DAB1: variants seen among roughly 807,000 people sequenced by gnomAD.
The protein encoded by DAB1 is DAB adaptor protein 1.
DAB1 carries 15 observed loss-of-function variants against 64.6 expected under a neutral mutation model. That is an observed-to-expected ratio of 0.23 (90% confidence interval 0.16 to 0.36). The LOEUF is 0.36. Among genes scored for constraint, DAB1 ranks in the 10% least tolerant of loss-of-function variants. The pLI is 1.00. For missense variants in DAB1, 596 were observed against 706.7 expected (o/e 0.84, Z 1.78); for synonymous variants, 235 against 251.9 (o/e 0.93, Z 0.64).
chr1:57,822,393 A>T (rs1012507198), downstream of DAB1, among the ~76,000 whole-genome samples: 1 of 152,068 alleles, frequency 6.6e-6, no homozygotes, highest in Non-Finnish European at 1.5e-5. Context: ...CCATGGCCAC[A>T]CTGGTTAGGG....
At chr1:58,185,791 T>C (rs1657040530) in intron 4 of DAB1, among the ~76,000 whole-genome samples, 1 of 152,128 alleles carries the variant, frequency 6.6e-6, no homozygotes. Flanking sequence ...AGCTCTTAAA[T>C]CTAAAAACGT....
intron 4 of DAB1, among the ~76,000 whole-genome samples, chr1:58,227,963 C>T (rs1659577614): frequency 6.6e-6 from 1 of 152,186 alleles, no homozygotes; most frequent in Non-Finnish European, 1.5e-5. Flanking sequence ...AGATCACATA[C>T]CTGATGTAGA....
At chr1:57,816,620 G>T (rs1054102988) in intron 6 of DAB1, among the ~76,000 whole-genome samples, 17 of 152,186 alleles carry the variant, frequency 1.1e-4, no homozygotes, top group African/African-American at 3.6e-4. Context: ...TCATCAGCCA[G>T]TGTGGATTAG....
intron 9 of DAB1, among the ~76,000 whole-genome samples, chr1:57,048,491 T>C (rs1029871742): frequency 1.3e-5 from 2 of 152,210 alleles, no homozygotes; most frequent in East Asian, 1.9e-4. Context: ...TCTCTGTTCA[T>C]GAATTACAGA....
At chr1:57,593,637 G>A (rs947238) in intron 7 of DAB1, among the ~76,000 whole-genome samples, 145,669 of 152,308 alleles carry the variant, frequency 0.96, 69,977 homozygotes, top group East Asian at 1. Flanking sequence ...TATAAAAGAC[G>A]CACAGAAAAA....
intron 7 of DAB1, among the ~76,000 whole-genome samples, chr1:57,503,274 C>T (rs1394783206): frequency 6.6e-6 from 1 of 152,202 alleles, no homozygotes; most frequent in Non-Finnish European, 1.5e-5. Flanking sequence ...CTTTCATTGC[C>T]CTGGGGCTCA....
At chr1:57,074,604 T>A (rs1318273664) in intron 4 of DAB1, among the ~76,000 whole-genome samples, 2 of 152,176 alleles carry the variant, frequency 1.3e-5, no homozygotes, top group Admixed American at 6.6e-5. Flanking sequence ...TTTTCTGACT[T>A]ACCTTAAACT....
intron 7 of DAB1, among the ~76,000 whole-genome samples, chr1:57,574,403 G>C (rs1484191382): frequency 6.6e-6 from 1 of 152,138 alleles, no homozygotes; most frequent in East Asian, 1.9e-4. Context: ...AGCATTTATT[G>C]AATTTCCACT....
chr1:58,407,075 G>A (rs979663454), intron 3 of DAB1, among the ~76,000 whole-genome samples: 2 of 152,180 alleles, frequency 1.3e-5, no homozygotes, highest in Non-Finnish European at 2.9e-5. Flanking sequence ...ATTCATGCCT[G>A]TATGACAAAA....
intron 7 of DAB1, among the ~76,000 whole-genome samples, chr1:57,433,392 C>T (rs1388979691): frequency 6.6e-6 from 1 of 151,982 alleles, no homozygotes; most frequent in East Asian, 1.9e-4. Context: ...TAGATCAATG[C>T]AGTCACTTGA....
At chr1:57,165,074 A>C (rs1198710590) in intron 2 of DAB1, among the ~76,000 whole-genome samples, 2 of 152,170 alleles carry the variant, frequency 1.3e-5, no homozygotes, top group Admixed American at 1.3e-4. Context: ...AGCCATAAAA[A>C]GAGAAAGTTT....
intron 6 of DAB1, among the ~76,000 whole-genome samples, chr1:57,796,266 G>A (rs868254118): frequency 3.3e-5 from 5 of 152,024 alleles, no homozygotes; most frequent in African/African-American, 1.2e-4. Context: ...GGTGGCTCAC[G>A]CCTGTAATAC....
rs187530549 is a variant in DAB1, at chr1:58,524,053, T to C, written n.107+3208A>G. Among the ~76,000 whole-genome samples, 1,212 of 152,360 alleles carry C rather than the reference T, an allele frequency of 8.0e-3. 9 individuals are homozygous for C. Among genetic ancestry groups the C allele is most frequent in the Non-Finnish European group, 0.013 (884 of 68,034 alleles). ...AAAGACTGGCAGCTGGTATTATCTT[T>C]TTCCTTAGAGGCTCAGGGGTTACCA... On this transcript the variant is annotated intron_variant and non_coding_transcript_variant, in intron 2 of 20. Transcript: ENST00000485760.
At chr1:58,020,113 T>C (rs1646795236) in intron 5 of DAB1, among the ~76,000 whole-genome samples, 1 of 152,224 alleles carries the variant, frequency 6.6e-6, no homozygotes, top group Admixed American at 6.5e-5. Flanking sequence ...AGAATTATTA[T>C]TCTGCATTAA....
At chr1:57,639,634 C>T (rs575600857) in intron 7 of DAB1, among the ~76,000 whole-genome samples, 8 of 152,284 alleles carry the variant, frequency 5.3e-5, no homozygotes, top group African/African-American at 1.9e-4. Flanking sequence ...GCAAAGGCAG[C>T]AGGTATGCCC....
At chr1:58,533,867 C>A in intron 1 of DAB1, 1 of 772,392 alleles carries the variant, frequency 1.3e-6, no homozygotes, top group South Asian at 1.5e-5. Context: ...TTTAAAAAAC[C>A]TGAAAAAAAT....
At chr1:57,097,597 G>A (rs1654281942) in intron 4 of DAB1, among the ~76,000 whole-genome samples, 2 of 152,178 alleles carry the variant, frequency 1.3e-5, no homozygotes, top group Non-Finnish European at 1.5e-5. Context: ...GGAGATCACA[G>A]AACTCCTAAA....
rs529194772 is a variant in DAB1 at position 58,381,870 on chromosome 1, A to C, written n.258-38467T>G. ...ATTTAGGAGTCACCAGCATATCAAT[A>C]GTAAAAAATAATGAATGACACCATC... On this transcript the variant is annotated intron_variant and non_coding_transcript_variant, in intron 3 of 20. Coordinates refer to the DAB1 transcript ENST00000485760. Among the ~76,000 whole-genome samples the C allele has an allele frequency of 2.0e-5, 3 of 152,312 alleles. No homozygotes were observed. The South Asian group carries it at 6.2e-4, about 32-fold the overall frequency.
intron 7 of DAB1, among the ~76,000 whole-genome samples, chr1:57,437,557 G>A (rs1305198103): frequency 6.6e-6 from 1 of 152,112 alleles, no homozygotes; most frequent in Non-Finnish European, 1.5e-5. Context: ...ATTCTTCATT[G>A]TGTTCCTTCA....
Sources: gnomAD v4.1 joint callset for allele counts (sites outside exome capture counted in the v4.1 genomes callset) on GRCh38, gnomAD v4.1.1 for gene constraint, MANE v1.5 for transcripts, NCBI Gene and HGNC (gene_info 2026-07-23, HGNC 2026-07-21) for gene names.